Variants in KCNMA1 observed in about 807,000 individuals in gnomAD.
KCNMA1 encodes the protein Calcium-activated potassium channel subunit alpha-1.
Under a neutral mutation model 140.0 loss-of-function variants are expected in KCNMA1, and 29 were observed. That is an observed-to-expected ratio of 0.21 (90% CI 0.15 to 0.28). The LOEUF (loss-of-function observed/expected upper bound fraction) is 0.28, where lower values mean the gene tolerates loss of function less well. Ranked by LOEUF, KCNMA1 falls within the 10% of genes least tolerant of loss-of-function variation. KCNMA1 has a pLI of 1.00. For missense variants in KCNMA1, 880 were observed against 1,602.2 expected, an observed-to-expected ratio of 0.55 and a Z score of 7.70; for synonymous variants, 612 against 611.9, an observed-to-expected ratio of 1.00 and a Z score of 0.00.
chr10:77,116,278 T>C (rs925985222), intron 6 of KCNMA1, among the ~76,000 whole-genome samples: 8 of 152,180 alleles, frequency 5.3e-5, no homozygotes, highest in Admixed American at 5.2e-4. Context: ...CAGTGAATCA[T>C]GATAGGTCAG....
At chr10:76,877,517 C>A (rs2032613125), downstream of KCNMA1, 1 of 353,830 alleles carries the variant, frequency 2.8e-6, no homozygotes, top group African/African-American at 2.1e-5. Context: ...CTATACATGA[C>A]TATTTTAGTA....
At chr10:76,876,067 G>C (rs996466266), downstream of KCNMA1, 8 of 152,602 alleles carry the variant, frequency 5.2e-5, no homozygotes, top group African/African-American at 1.9e-4. Context: ...TCTGCAGGGA[G>C]TGGACAGAGG....
intron 1 of KCNMA1, among the ~76,000 whole-genome samples, chr10:77,435,804 T>A (rs188201624): frequency 6.6e-6 from 1 of 152,326 alleles, no homozygotes; most frequent in African/African-American, 2.4e-5. Context: ...CATTATATCC[T>A]ATGGTCTTCG....
At chr10:77,202,355 T>C (rs903917537) in intron 3 of KCNMA1, among the ~76,000 whole-genome samples, 1 of 152,196 alleles carries the variant, frequency 6.6e-6, no homozygotes, top group African/African-American at 2.4e-5. Context: ...TGTCAATAAA[T>C]GTAGGTCGTT....
intron 25 of KCNMA1, among the ~76,000 whole-genome samples, chr10:76,899,678 T>C (rs189186362): frequency 6.0e-4 from 91 of 152,218 alleles, no homozygotes; most frequent in Middle Eastern, 6.8e-3. Context: ...ATCCATTCCT[T>C]AGTATAACAA....
chr10:77,510,721 C>G (rs2048068046), intron 1 of KCNMA1, among the ~76,000 whole-genome samples: 5 of 152,042 alleles, frequency 3.3e-5, no homozygotes, highest in Admixed American at 3.3e-4. Flanking sequence ...TCACTTGAGC[C>G]CAGGAATTCA....
At chr10:76,878,826 T>C (rs1236131399) in intron 29 of KCNMA1, among the ~76,000 whole-genome samples, 1 of 152,144 alleles carries the variant, frequency 6.6e-6, no homozygotes, top group Non-Finnish European at 1.5e-5. Context: ...CTTTCTAGGA[T>C]TGAAATTTTC....
chr10:77,468,401 A>G (rs2098080687), intron 1 of KCNMA1, among the ~76,000 whole-genome samples: 1 of 152,222 alleles, frequency 6.6e-6, no homozygotes, highest in Non-Finnish European at 1.5e-5. Flanking sequence ...CCTAATGCCC[A>G]GTACCTCAGA....
chr10:77,279,345 T>G (rs1385200450), intron 2 of KCNMA1, among the ~76,000 whole-genome samples: 2 of 151,990 alleles, frequency 1.3e-5, no homozygotes, highest in African/African-American at 4.8e-5. Flanking sequence ...CATGGCAGGG[T>G]GCCCACTTGC....
rs1013121130 is a variant in KCNMA1 at position 77,237,763 on chromosome 10, C to G, written c.602+13432G>C. 3.9e-5 allele frequency among the ~76,000 whole-genome samples: 6 copies of G among 152,280 alleles called. No homozygotes were observed. The East Asian group carries it at 9.7e-4, about 25-fold the overall frequency. Reference sequence around the variant, plus strand: ...CATTTTCATTCCCCGCCAGAGCTGCCCAGCAGACCTTTTTGCCCCAGAGTG... The same window carrying G: ...CATTTTCATTCCCCGCCAGAGCTGCGCAGCAGACCTTTTTGCCCCAGAGTG... On this transcript the variant is annotated intron_variant, in intron 3 of 27. Transcript: ENST00000286628.
intron 1 of KCNMA1, among the ~76,000 whole-genome samples, chr10:77,426,558 T>C (rs1271151862): frequency 6.6e-6 from 1 of 152,246 alleles, no homozygotes; most frequent in Non-Finnish European, 1.5e-5. Flanking sequence ...TAAAGATGGA[T>C]ACAGTGTGCT....
At chr10:77,398,060 A>ATGTGTGTG (rs71028275) in intron 2 of KCNMA1, among the ~76,000 whole-genome samples, 67 of 148,486 alleles carry the variant, frequency 4.5e-4, no homozygotes, top group African/African-American at 1.1e-3. Flanking sequence ...ATATGTGTGT[A>ATGTGTGTG]TGTGTGTGTG....
intron 3 of KCNMA1, among the ~76,000 whole-genome samples, chr10:77,215,607 G>A (rs2047488694): frequency 6.6e-6 from 1 of 151,924 alleles, no homozygotes; most frequent in Admixed American, 6.6e-5. Flanking sequence ...TGAAAGCCAG[G>A]GCCAGAGCAG....
At chr10:77,294,783 G>C (rs1601568755) in intron 2 of KCNMA1, among the ~76,000 whole-genome samples, 1 of 151,792 alleles carries the variant, frequency 6.6e-6, no homozygotes, top group African/African-American at 2.4e-5. Context: ...GCCAGGCCTG[G>C]TGCCACACGC....
intron 14 of KCNMA1, among the ~76,000 whole-genome samples, chr10:77,056,225 CAAA>C (rs1044203276): frequency 7.2e-5 from 11 of 151,914 alleles, no homozygotes; most frequent in African/African-American, 2.4e-4. Context: ...ACTAAAAATA[CAAA>C]AATTAGCCAG....
chr10:77,051,160 G>C (rs1258954158), intron 14 of KCNMA1, among the ~76,000 whole-genome samples: 2 of 152,168 alleles, frequency 1.3e-5, no homozygotes, highest in African/African-American at 4.8e-5. Context: ...ACACAGTATT[G>C]AGTGTGAGGA....
chr10:77,321,333 G>A (rs536932222), intron 2 of KCNMA1, among the ~76,000 whole-genome samples: 112 of 152,238 alleles, frequency 7.4e-4, no homozygotes, highest in Non-Finnish European at 1.2e-3. Context: ...TCAAGTAAGC[G>A]ACTTCTGCCA....
chr10:77,366,130 T>TTC (rs955933650), intron 2 of KCNMA1, among the ~76,000 whole-genome samples: 124 of 59,260 alleles, frequency 2.1e-3, no homozygotes, highest in Middle Eastern at 0.011. Flanking sequence ...TTTTCTTTTC[T>TTC]TCTCTCTCTC....
intron 1 of KCNMA1, among the ~76,000 whole-genome samples, chr10:77,460,723 A>G (rs1185467093): frequency 6.6e-6 from 1 of 152,152 alleles, no homozygotes; most frequent in Non-Finnish European, 1.5e-5. Context: ...TATAAGTGGG[A>G]GCTAAACTGA....
Sources: allele counts gnomAD v4.1 joint callset (sites outside exome capture counted in the v4.1 genomes callset), GRCh38; gene constraint gnomAD v4.1.1; transcripts MANE v1.5; gene names NCBI Gene and HGNC (gene_info 2026-07-23, HGNC 2026-07-21).